PPHLN1: variants seen among roughly 807,000 people sequenced by gnomAD.
PPHLN1 encodes the protein periphilin-1.
In PPHLN1, 29 loss-of-function variants were observed where a neutral mutation model predicts 51.3. The ratio of observed to expected loss-of-function variants is 0.57; its 90% CI spans 0.42 to 0.77. The LOEUF is 0.77. PPHLN1 is among the 30% of genes least tolerant of loss of function. PPHLN1 has a pLI of 0.00. For synonymous variants in PPHLN1, 147 were observed against 147.8 expected, an observed-to-expected ratio of 0.99 and a Z score of 0.04; for missense variants, 436 against 438.4, an observed-to-expected ratio of 0.99 and a Z score of 0.05.
intron 7 of PPHLN1, among the ~76,000 whole-genome samples, chr12:42,391,992 G>A (rs1200619213): frequency 1.3e-5 from 2 of 152,100 alleles, no homozygotes; most frequent in Non-Finnish European, 2.9e-5. Context: ...CGAGGCAGGC[G>A]GATAACCTGA....
Position 42,433,107 on chromosome 12 carries a change from A to G in PPHLN1, c.910-8208A>G, listed in dbSNP as rs900591685. Reference sequence around the variant, plus strand: ...TTTATTGACAGGCCAAAGTTGTTCAAATGTGACTATTTCATTGTAAGTAGC... The same window carrying G: ...TTTATTGACAGGCCAAAGTTGTTCAGATGTGACTATTTCATTGTAAGTAGC... On this transcript the variant is annotated intron_variant, in intron 9 of 9. Coordinates refer to ENST00000358314, the MANE Select transcript of PPHLN1 (RefSeq NM_201439.2). 3 of 779,632 alleles carry G rather than the reference A, an allele frequency of 3.8e-6. No homozygotes were observed. The African/African-American group carries it at 5.1e-5, about 13-fold the overall frequency. 48.3% of individuals were successfully genotyped at this position (779,632 alleles called of 1,614,324 possible).
In PPHLN1 at chr12:42,393,626, G is replaced by A; in HGVS notation, c.705G>A (p.Lys235=). ...AGGAACTTGCTGAGGCTGCAAGCAA[G>A]TGGGCTGCTGAAAAGCTAGAGAAAT... ...TEKELAEAAS[K]WAAEKLEKSD... Residue 235 remains lysine (K), a synonymous_variant, in exon 8 of 10, where the codon AAG becomes AAA. Transcript: ENST00000358314. 6.2e-7 allele frequency: 1 copy of A among 1,611,548 alleles called. No individual in the cohort carries two copies. Among genetic ancestry groups the A allele is most frequent in the Non-Finnish European group, 8.5e-7 (1 of 1,178,998 alleles).
intron 1 of PPHLN1, among the ~76,000 whole-genome samples, chr12:42,326,445 C>A (rs1359186949): frequency 6.6e-6 from 1 of 152,060 alleles, no homozygotes; most frequent in South Asian, 2.1e-4. Flanking sequence ...CTCTCTGTAG[C>A]GCCTTAATAT....
intron 4 of PPHLN1, among the ~76,000 whole-genome samples, chr12:42,359,919 C>A (rs2074435322): frequency 6.6e-6 from 1 of 151,900 alleles, no homozygotes; most frequent in South Asian, 2.1e-4. Flanking sequence ...ACCAGCCTGG[C>A]CATTATGACA....
intron 9 of PPHLN1, among the ~76,000 whole-genome samples, chr12:42,409,373 T>C (rs1295575964): frequency 6.6e-6 from 1 of 152,172 alleles, no homozygotes; most frequent in African/African-American, 2.4e-5. Flanking sequence ...TGCTGTTATA[T>C]TGTCATCTCC....
intron 1 of PPHLN1, among the ~76,000 whole-genome samples, chr12:42,333,663 T>C (rs1251556969): frequency 6.6e-6 from 1 of 152,000 alleles, no homozygotes; most frequent in Non-Finnish European, 1.5e-5. Flanking sequence ...TTTGTATTTT[T>C]AGTAGAGACA....
At chr12:42,446,088 C>G, downstream of PPHLN1, 1 of 1,551,576 alleles carries the variant, frequency 6.4e-7, no homozygotes, top group Non-Finnish European at 8.7e-7. Flanking sequence ...CCGCAGGCCC[C>G]GCAGCCCCTG....
chr12:42,340,003 A>C (rs917167501), intron 2 of PPHLN1, among the ~76,000 whole-genome samples: 5 of 152,214 alleles, frequency 3.3e-5, no homozygotes, highest in African/African-American at 1.2e-4. Flanking sequence ...TTTAATAAAA[A>C]TATAACTTAT....
rs769265554 is a variant in PPHLN1, at chr12:42,326,215, G to A, written c.-35G>A. On this transcript the variant is annotated 5_prime_UTR_variant, in exon 1 of 10. Transcript: ENST00000358314. ...GACGGCTGCATTTACGGGGTCTCCC[G>A]GAGGGCCAGAGTCGGTGAGCGCTTT... 2.6e-5 allele frequency: 4 copies of A among 152,450 alleles called. No homozygotes were observed. Among genetic ancestry groups the A allele is most frequent in the Admixed American group, 2.0e-4 (3 of 15,312 alleles). 9.4% of individuals were successfully genotyped at this position (152,450 alleles called of 1,614,324 possible).
intron 9 of PPHLN1, among the ~76,000 whole-genome samples, chr12:42,416,256 G>A (rs922225859): frequency 5.3e-5 from 8 of 152,244 alleles, no homozygotes; most frequent in African/African-American, 1.9e-4. Flanking sequence ...AATTCACAGA[G>A]TATGAATTTT....
At chr12:42,414,269 A>G (rs1167305574) in intron 9 of PPHLN1, among the ~76,000 whole-genome samples, 1 of 152,034 alleles carries the variant, frequency 6.6e-6, no homozygotes, top group Non-Finnish European at 1.5e-5. Context: ...TCCTGACCTC[A>G]GGTGATCCAC....
intron 4 of PPHLN1, among the ~76,000 whole-genome samples, chr12:42,364,173 A>C (rs574688378): frequency 6.6e-6 from 1 of 152,292 alleles, no homozygotes; most frequent in East Asian, 1.9e-4. Context: ...GCAGTGAGCC[A>C]AGATTGCACC....
chr12:42,444,943 C>T (rs1423493824), downstream of PPHLN1: 3 of 646,840 alleles, frequency 4.6e-6, no homozygotes, highest in African/African-American at 1.8e-5. Context: ...TTTACTAGTA[C>T]TCAGAGAGCT....
intron 9 of PPHLN1, among the ~76,000 whole-genome samples, chr12:42,434,888 T>C (rs2139915611): frequency 6.6e-6 from 1 of 152,264 alleles, no homozygotes; most frequent in South Asian, 2.1e-4. Flanking sequence ...GAGACAGGCA[T>C]TCACCATGTT....
chr12:42,343,444 T>G (rs1213835038), intron 2 of PPHLN1, among the ~76,000 whole-genome samples: 7 of 152,230 alleles, frequency 4.6e-5, no homozygotes, highest in South Asian at 2.1e-4. Context: ...ACTATTAACA[T>G]TTTACTAAAC....
At chr12:42,391,744 C>CTAGTATTACTTATTATTA (rs1169904741) in intron 7 of PPHLN1, among the ~76,000 whole-genome samples, 2 of 152,046 alleles carry the variant, frequency 1.3e-5, no homozygotes, top group Non-Finnish European at 2.9e-5. Flanking sequence ...ACTTATAATA[C>CTAGTATTACTTATTATTA]CTTTTTAACC....
chr12:42,370,578 A>G lies in PPHLN1; in HGVS notation c.300-4285A>G, dbSNP rs139636021. The stretch of plus-strand genomic sequence containing the variant: ...TTTTGGCTCCTTCTTTACCATTAAC[A>G]TTTTTGTGTCTTGCGTTATCAGTTT... On this transcript the variant is annotated intron_variant, in intron 4 of 9. Transcript: ENST00000358314. Among the ~76,000 whole-genome samples, 401 of 151,976 alleles carry G rather than the reference A, an allele frequency of 2.6e-3. 2 individuals are homozygous for G. The highest frequency in any genetic ancestry group is 9.2e-3 in the African/African-American group (383 of 41,466).
intron 2 of PPHLN1, among the ~76,000 whole-genome samples, chr12:42,338,570 C>T (rs2071032480): frequency 1.3e-5 from 2 of 152,056 alleles, no homozygotes; most frequent in South Asian, 2.1e-4. Flanking sequence ...GATAGGCAAT[C>T]GGTATTTTAG....
At chr12:42,391,337 C>G (rs541413509) in intron 7 of PPHLN1, among the ~76,000 whole-genome samples, 2 of 152,290 alleles carry the variant, frequency 1.3e-5, no homozygotes, top group South Asian at 4.2e-4. Context: ...CTCCCAGGTT[C>G]AAGCAATTCT....
Sources: allele counts gnomAD v4.1 joint callset (sites outside exome capture counted in the v4.1 genomes callset), GRCh38; gene constraint gnomAD v4.1.1; transcripts MANE v1.5; gene names NCBI Gene and HGNC (gene_info 2026-07-23, HGNC 2026-07-21).